ZBTB20: variants seen among roughly 807,000 people sequenced by gnomAD.
The protein encoded by ZBTB20 is zinc finger and BTB domain-containing protein 20.
ZBTB20 carries 9 observed loss-of-function variants against 56.9 expected under a neutral mutation model. The observed-to-expected ratio is 0.16, with a 90% CI of 0.10 to 0.28. The LOEUF is 0.28. Among genes scored for constraint, ZBTB20 ranks in the 10% least tolerant of loss-of-function variants. The probability of loss-of-function intolerance (pLI) is 1.00; values close to 1 mark genes in which losing one functional copy is unlikely to be tolerated. For missense variants in ZBTB20, 655 were observed against 1,003.0 expected (o/e 0.65, Z 4.69); for synonymous variants, 417 against 420.7 (o/e 0.99, Z 0.11).
chr3:114,943,904 C>A (rs1177269556), intron 3 of ZBTB20, among the ~76,000 whole-genome samples: 1 of 117,466 alleles, frequency 8.5e-6, no homozygotes. Context: ...ACAAAGAAAC[C>A]AACTACAAAA....
chr3:114,501,134 C>T (rs1178245609), intron 6 of ZBTB20, among the ~76,000 whole-genome samples: 1 of 152,174 alleles, frequency 6.6e-6, no homozygotes, highest in Non-Finnish European at 1.5e-5. Context: ...TCTACCCCTT[C>T]TCACCAGCCT....
In ZBTB20 at chr3:114,785,302, T is replaced by C. The variant is rs2070402131; in HGVS notation, c.-343+15799A>G. Among the ~76,000 whole-genome samples, 4 of 152,166 alleles carry C rather than the reference T, an allele frequency of 2.6e-5. 1 individual carries two copies. The South Asian group carries it at 8.3e-4, about 31-fold the overall frequency. On this transcript the variant is annotated intron_variant, in intron 5 of 11. Coordinates refer to ENST00000675478, the MANE Select transcript of ZBTB20 (RefSeq NM_001348800.3). ...TAATTATATAATTGGAGAGAAAACT[T>C]GCTGTATCTCAGCCAGTTAGATGAA... is the stretch of plus-strand genomic sequence containing the variant.
chr3:114,711,341 T>G (rs2064064862), intron 5 of ZBTB20, among the ~76,000 whole-genome samples: 1 of 152,230 alleles, frequency 6.6e-6, no homozygotes, highest in African/African-American at 2.4e-5. Context: ...ATTAAATGAC[T>G]GAATGAATAA....
intron 3 of ZBTB20, among the ~76,000 whole-genome samples, chr3:114,911,325 G>A (rs2075529111): frequency 6.6e-6 from 1 of 151,968 alleles, no homozygotes; most frequent in African/African-American, 2.4e-5. Flanking sequence ...CCTGGAAGAA[G>A]TCATGCACAC....
At chr3:115,085,145 T>C (rs2082938535) in intron 1 of ZBTB20, among the ~76,000 whole-genome samples, 1 of 151,958 alleles carries the variant, frequency 6.6e-6, no homozygotes, top group Non-Finnish European at 1.5e-5. Context: ...TACAAATATA[T>C]CCAAAGATGT....
chr3:114,993,244 A>T (rs1576511764), intron 2 of ZBTB20, among the ~76,000 whole-genome samples: 1 of 152,030 alleles, frequency 6.6e-6, no homozygotes, highest in Admixed American at 6.6e-5. Flanking sequence ...GTACAAAAGA[A>T]AATAGAAGAA....
chr3:114,385,234 CCTA>C (rs1559717639), intron 8 of ZBTB20, among the ~76,000 whole-genome samples: 1 of 152,158 alleles, frequency 6.6e-6, no homozygotes, highest in Non-Finnish European at 1.5e-5. Context: ...TAACAATTTC[CCTA>C]CTCTTTTCCC....
At chr3:114,951,841 T>C (rs766391558) in intron 3 of ZBTB20, among the ~76,000 whole-genome samples, 17 of 152,100 alleles carry the variant, frequency 1.1e-4, no homozygotes, top group East Asian at 3.8e-4. Context: ...GATGTTGGAA[T>C]TGTTTGACAA....
intron 2 of ZBTB20, among the ~76,000 whole-genome samples, chr3:115,057,087 T>C (rs2081824606): frequency 1.3e-5 from 2 of 152,104 alleles, no homozygotes; most frequent in Non-Finnish European, 2.9e-5. Flanking sequence ...GTCAAAACAG[T>C]TAACCCCTTT....
At chr3:114,785,525 T>G (rs772002202) in intron 5 of ZBTB20, among the ~76,000 whole-genome samples, 3 of 152,092 alleles carry the variant, frequency 2.0e-5, no homozygotes, top group Non-Finnish European at 2.9e-5. Context: ...CAGAGGGAAG[T>G]TTTTTCACTT....
intron 3 of ZBTB20, among the ~76,000 whole-genome samples, chr3:114,957,348 TG>T (rs1025820292): frequency 3.3e-5 from 5 of 152,058 alleles, no homozygotes; most frequent in African/African-American, 1.2e-4. Flanking sequence ...TAGGATAGGA[TG>T]GGATGGGATG....
At chr3:114,774,244 A>G (rs2108751333) in intron 5 of ZBTB20, among the ~76,000 whole-genome samples, 1 of 152,368 alleles carries the variant, frequency 6.6e-6, no homozygotes, top group South Asian at 2.1e-4. Context: ...AATAAGGGGA[A>G]CAAACCAATA....
chr3:114,889,935 G>A (rs925815042), intron 4 of ZBTB20, among the ~76,000 whole-genome samples: 5 of 152,100 alleles, frequency 3.3e-5, no homozygotes, highest in Admixed American at 3.3e-4. Context: ...ATGAGAGGAG[G>A]AAGAAGAAGA....
In ZBTB20 at chr3:115,067,533, G is replaced by A. The variant is rs1447497114; in HGVS notation, c.-507+3686C>T. On this transcript the variant is annotated intron_variant, in intron 2 of 11. Transcript: ENST00000675478. ...CATAACAGAAAGACATATGCTATTT[G>A]AAAAATCAGTAAAAAAAAAAAAAAA... Among the ~76,000 whole-genome samples, 172 of 146,936 alleles carry A rather than the reference G, an allele frequency of 1.2e-3. 2 individuals carry two copies. The highest frequency in any genetic ancestry group is 1.8e-3 in the Non-Finnish European group (117 of 66,670).
intron 7 of ZBTB20, among the ~76,000 whole-genome samples, chr3:114,466,838 A>G (rs1385896957): frequency 6.6e-6 from 1 of 152,226 alleles, no homozygotes; most frequent in African/African-American, 2.4e-5. Context: ...AACATGGGAG[A>G]AAAGAAATAC....
At chr3:114,938,948 C>A (rs1473407200) in intron 3 of ZBTB20, among the ~76,000 whole-genome samples, 1 of 145,196 alleles carries the variant, frequency 6.9e-6, no homozygotes, top group Admixed American at 6.6e-5. Context: ...AGTCCCTGAA[C>A]CAGAGTTACC....
chr3:114,703,862 T>C (rs976077559), intron 5 of ZBTB20, among the ~76,000 whole-genome samples: 1 of 152,216 alleles, frequency 6.6e-6, no homozygotes, highest in Non-Finnish European at 1.5e-5. Flanking sequence ...CTCATTTGTC[T>C]ATATGTAGAA....
At chr3:115,114,025 C>CA (rs1452527271) in intron 1 of ZBTB20, among the ~76,000 whole-genome samples, 64 of 152,186 alleles carry the variant, frequency 4.2e-4, no homozygotes, top group Admixed American at 6.5e-4. Context: ...TACTACAATA[C>CA]ATACATTACA....
At chr3:114,602,927 A>G (rs2107639653) in intron 6 of ZBTB20, among the ~76,000 whole-genome samples, 1 of 152,114 alleles carries the variant, frequency 6.6e-6, no homozygotes, top group Non-Finnish European at 1.5e-5. Context: ...ACAAAGGGAA[A>G]TCATGGCAGA....
Sources: allele counts gnomAD v4.1 joint callset (sites outside exome capture counted in the v4.1 genomes callset), GRCh38; gene constraint gnomAD v4.1.1; transcripts MANE v1.5; gene names NCBI Gene and HGNC (gene_info 2026-07-23, HGNC 2026-07-21).